ATG7: variants seen among roughly 807,000 people sequenced by gnomAD.
ATG7 encodes the protein ubiquitin-like modifier-activating enzyme ATG7.
In ATG7, 70 loss-of-function variants were observed where a neutral mutation model predicts 82.4. That is an observed-to-expected ratio of 0.85 (90% CI 0.70 to 1.04). The LOEUF is 1.04. Ranked by LOEUF, ATG7 falls within the 50% of genes least tolerant of loss-of-function variation. ATG7 has a pLI of 0.00. For synonymous variants in ATG7, 287 were observed against 313.0 expected (o/e 0.92, Z 0.88); for missense variants, 792 against 864.3 (o/e 0.92, Z 1.05).
chr3:11,421,161 C>T (rs182357418), intron 19 of ATG7, among the ~76,000 whole-genome samples: 32 of 152,240 alleles, frequency 2.1e-4, no homozygotes, highest in Non-Finnish European at 3.7e-4. Context: ...TGGTGGCCAC[C>T]TGATCAGGGT....
intron 20 of ATG7, chr3:11,488,564 C>T (rs1001074395): frequency 5.2e-5 from 45 of 865,842 alleles, no homozygotes; most frequent in Admixed American, 2.9e-4. Flanking sequence ...AACCACCACC[C>T]GCGGCCACCA....
intron 20 of ATG7, chr3:11,488,564 C>G: frequency 1.2e-6 from 1 of 865,954 alleles, no homozygotes; most frequent in Non-Finnish European, 1.5e-6. Context: ...AACCACCACC[C>G]GCGGCCACCA....
the ATG7 span, among the ~76,000 whole-genome samples, chr3:11,570,385 T>A: frequency 6.6e-6 from 1 of 152,096 alleles, no homozygotes. Flanking sequence ...CCAAGGTCTG[T>A]CCCCGGACAG....
chr3:11,331,399 G>T lies in ATG7; in HGVS notation c.738G>T (p.Arg246Ser). 6.2e-7 allele frequency: 1 copy of T among 1,613,220 alleles called. No individual in the cohort carries two copies. ...NLAQYPGWPLRNFLVLAAHRW... is the reference protein window; with the variant it reads ...NLAQYPGWPLSNFLVLAAHRW... ...CCCAGTACCCTGGATGGCCTTTGAG[G>T]AATTTTTTGGTCCTAGCAGCCCACA... is the stretch of plus-strand genomic sequence containing the variant. The change falls in exon 10 of 21, where the codon AGG (arginine) becomes AGT (serine). Residue 246 changes from arginine (R) to serine (S), a missense_variant. Physicochemically the swap from Arg to Ser is moderately radical, Grantham distance 110. Transcript: ENST00000693202.
chr3:11,364,577 CT>C, intron 17 of ATG7, 81 bp from the exon 18 acceptor site: 2 of 1,476,104 alleles, frequency 1.4e-6, no homozygotes, highest in Non-Finnish European at 1.9e-6. Flanking sequence ...CCTTATGAAT[CT>C]TATGTAGATT....
intron 20 of ATG7, among the ~76,000 whole-genome samples, chr3:11,445,932 C>A (rs551755004): frequency 2.0e-5 from 3 of 152,082 alleles, no homozygotes; most frequent in Non-Finnish European, 4.4e-5. Flanking sequence ...TATTTGGATT[C>A]TTCTTTTCTG....
At chr3:11,538,734 T>C (rs929818163) in intron 20 of ATG7, among the ~76,000 whole-genome samples, 5 of 108,852 alleles carry the variant, frequency 4.6e-5, no homozygotes, top group Admixed American at 4.4e-4. Flanking sequence ...AAAAGCCAGA[T>C]GTGGTGGTGC....
intron 8 of ATG7, 61 bp from the exon 9 acceptor site, chr3:11,315,283 T>G: frequency 1.4e-6 from 2 of 1,401,972 alleles, no homozygotes; most frequent in Non-Finnish European, 1.9e-6. Context: ...TTGAGTTAGT[T>G]TTTAGCCCAG....
At chr3:11,319,567 A>G (rs191688014) in intron 9 of ATG7, among the ~76,000 whole-genome samples, 83 of 151,946 alleles carry the variant, frequency 5.5e-4, no homozygotes, top group Non-Finnish European at 9.6e-4. Flanking sequence ...AAGTAATTCA[A>G]TTTTCTCTCA....
chr3:11,279,649 C>G (rs963266226), intron 1 of ATG7, among the ~76,000 whole-genome samples: 2 of 152,114 alleles, frequency 1.3e-5, no homozygotes, highest in Non-Finnish European at 2.9e-5. Context: ...TGAGCCACCT[C>G]CCTCCAGCCT....
intron 9 of ATG7, among the ~76,000 whole-genome samples, chr3:11,317,838 G>A (rs1232952155): frequency 2.6e-5 from 4 of 151,952 alleles, no homozygotes; most frequent in East Asian, 3.9e-4. Flanking sequence ...TGATCCTCCC[G>A]CCTCGCCCTC....
At chr3:11,438,467 G>A (rs1485235324) in intron 20 of ATG7, among the ~76,000 whole-genome samples, 2 of 152,220 alleles carry the variant, frequency 1.3e-5, no homozygotes, top group African/African-American at 4.8e-5. Context: ...TTGGGAGGCT[G>A]AGGTGGGAGG....
Position 11,384,356 on chromosome 3 carries a change from G to T in ATG7, c.1956+4304G>T, listed in dbSNP as rs1274410664. ...GACCTGCGCAGATGCAGCAAGATGT[G>T]CCCAGAAACCTGATCTTGAGATTTC... On this transcript the variant is annotated intron_variant, in intron 19 of 20. Coordinates refer to ENST00000693202, the MANE Select transcript of ATG7 (RefSeq NM_001349232.2). Among the ~76,000 whole-genome samples, 3 of 152,198 alleles carry T rather than the reference G, an allele frequency of 2.0e-5. No homozygotes were observed. In the East Asian group the frequency reaches 5.8e-4, roughly 29 times the overall value.
intron 20 of ATG7, among the ~76,000 whole-genome samples, chr3:11,526,025 TA>T (rs747576731): frequency 3.3e-5 from 5 of 152,160 alleles, no homozygotes; most frequent in Non-Finnish European, 7.3e-5. Flanking sequence ...TGTGCTGATA[TA>T]AATGTGATAA....
intron 5 of ATG7, among the ~76,000 whole-genome samples, chr3:11,304,306 T>C (rs1031568399): frequency 4.6e-5 from 7 of 152,178 alleles, no homozygotes; most frequent in African/African-American, 1.7e-4. Flanking sequence ...GCTCAATAAC[T>C]GCCTAATTGA....
At chr3:11,394,649 T>TAC (rs1225303857) in intron 19 of ATG7, among the ~76,000 whole-genome samples, 1 of 152,216 alleles carries the variant, frequency 6.6e-6, no homozygotes, top group Non-Finnish European at 1.5e-5. Context: ...TATCAAGAGA[T>TAC]ACACCTAGGA....
At chr3:11,482,387 A>T (rs1250234980) in intron 20 of ATG7, among the ~76,000 whole-genome samples, 1 of 152,014 alleles carries the variant, frequency 6.6e-6, no homozygotes, top group African/African-American at 2.4e-5. Context: ...GCTTCTTCTG[A>T]CCTCTTGTCC....
In ATG7 at chr3:11,426,804, G is replaced by C; in HGVS notation, c.1957G>C (p.Val653Leu). Reference sequence around the variant, plus strand: ...TTTAAAAAATGTAAATGTTTTACAGGTTCTTGATCAATATGAACGAGAAGG... The same window carrying C: ...TTTAAAAAATGTAAATGTTTTACAGCTTCTTGATCAATATGAACGAGAAGG... ...FDKCTACSSK[V>L]LDQYEREGFN... is the part of the protein sequence containing the mutation. Residue 653 changes from valine (V) to leucine (L), a missense_variant and splice_region_variant, in exon 20 of 21, where the codon GTT becomes CTT. By Grantham distance (32) the Val-to-Leu change is conservative. Coordinates refer to ENST00000693202, the MANE Select transcript of ATG7 (RefSeq NM_001349232.2). 2 of 1,581,778 alleles carry C rather than the reference G, an allele frequency of 1.3e-6. No homozygotes were observed. The highest frequency in any genetic ancestry group is 2.3e-5 in the East Asian group (1 of 44,020).
chr3:11,459,826 A>G (rs1340395153), intron 20 of ATG7, among the ~76,000 whole-genome samples: 1 of 152,212 alleles, frequency 6.6e-6, no homozygotes, highest in African/African-American at 2.4e-5. Flanking sequence ...GTTGTTTGGT[A>G]GACTTTAGCC....
Sources: gnomAD v4.1 joint callset for allele counts (sites outside exome capture counted in the v4.1 genomes callset) on GRCh38, gnomAD v4.1.1 for gene constraint, MANE v1.5 for transcripts, NCBI Gene and HGNC (gene_info 2026-07-23, HGNC 2026-07-21) for gene names.